REPS2: variants seen among roughly 807,000 people sequenced by gnomAD.
REPS2 encodes the protein RALBP1 associated Eps domain containing 2, also known as ralBP1-associated Eps domain-containing protein 2.
REPS2 carries 23 observed loss-of-function variants against 53.6 expected under a neutral mutation model. The observed-to-expected ratio is 0.43, with a 90% CI of 0.31 to 0.61. The LOEUF is 0.61. Ranked by LOEUF, REPS2 falls within the 20% of genes least tolerant of loss-of-function variation. REPS2 has a pLI of 0.11. For synonymous variants in REPS2, 238 were observed against 218.6 expected (o/e 1.09, Z -0.78); for missense variants, 446 against 534.9 (o/e 0.83, Z 1.64).
At chrX:17,070,480 A>C (rs2062289457) in intron 11 of REPS2, among the ~76,000 whole-genome samples, 2 of 112,104 alleles carry the variant, frequency 1.8e-5, no homozygotes, top group Middle Eastern at 9.2e-3. Context: ...AGAAAAATAA[A>C]AGTTGTCCAG....
intron 14 of REPS2, among the ~76,000 whole-genome samples, chrX:17,122,220 C>G (rs1446109608): frequency 9.0e-6 from 1 of 111,445 alleles, no homozygotes; most frequent in Non-Finnish European, 1.9e-5. Context: ...CAGTCGCTAT[C>G]TCTTATTCTT....
At chrX:17,029,706 T>C (rs770120043) in intron 5 of REPS2, 83 bp downstream of exon 5, 6 of 587,253 alleles carry the variant, frequency 1.0e-5, no homozygotes, top group Non-Finnish European at 1.4e-5. Context: ...GATGGACCCT[T>C]TTTCATTGCA....
chrX:16,978,575 T>G lies in REPS2; in HGVS notation c.274-27646T>G, dbSNP rs113379502. On this transcript the variant is annotated intron_variant, in intron 1 of 17. Transcript: ENST00000357277. ...CTCTGAGCTCTAAAAGGAGGAGCAGTTTTGCTGGCATGCAGAAGTGGTGAA... is the reference window on the plus strand; with the variant it reads ...CTCTGAGCTCTAAAAGGAGGAGCAGGTTTGCTGGCATGCAGAAGTGGTGAA... 1.2e-3 allele frequency: 911 copies of G among 749,621 alleles called. 10 individuals are homozygous for G. In the African/African-American group the frequency reaches 0.019, roughly 16 times the overall value. 61.8% of individuals were successfully genotyped at this position (749,621 alleles called of 1,213,427 possible). A position where few individuals can be genotyped will look rare whatever the true frequency, so the allele number is the denominator to read the frequency against.
intron 8 of REPS2, among the ~76,000 whole-genome samples, chrX:17,059,563 G>T (rs771204860): frequency 1.8e-5 from 2 of 110,099 alleles, no homozygotes; most frequent in African/African-American, 6.6e-5. Flanking sequence ...TGCCTCCCGG[G>T]TTCAAGCAAT....
chrX:16,999,931 C>T (rs1055901934), intron 1 of REPS2, among the ~76,000 whole-genome samples: 1 of 101,768 alleles, frequency 9.8e-6, no homozygotes. Context: ...CCTGTAGTCC[C>T]AGCTACTTGG....
chrX:16,969,363 G>A (rs934639866), intron 1 of REPS2, among the ~76,000 whole-genome samples: 1 of 111,685 alleles, frequency 9.0e-6, no homozygotes, highest in African/African-American at 3.3e-5. Context: ...ACTTTGGGAG[G>A]CCAAGGCAGG....
Position 17,139,952 on chromosome X carries a change from G to C in REPS2, c.1914+991G>C, listed in dbSNP as rs200561990. On this transcript the variant is annotated intron_variant, in intron 17 of 17. Transcript: ENST00000357277. ...AAGGTCACATTTACAGATACTGGGG[G>C]TTAGGACTTAAACATATATTTTGAG... Among the ~76,000 whole-genome samples the C allele has an allele frequency of 2.7e-4, 30 of 111,605 alleles. No homozygotes were observed. The East Asian group carries it at 5.3e-3, about 20-fold the overall frequency.
At chrX:17,050,464 A>G (rs2061986877) in intron 6 of REPS2, among the ~76,000 whole-genome samples, 1 of 108,935 alleles carries the variant, frequency 9.2e-6, no homozygotes, top group Non-Finnish European at 1.9e-5. Context: ...AACTGCCTAT[A>G]GTATTCAGTA....
chrX:17,034,143 G>T (rs1012351986), intron 5 of REPS2, among the ~76,000 whole-genome samples: 2 of 111,289 alleles, frequency 1.8e-5, no homozygotes, highest in African/African-American at 6.5e-5. Context: ...TCAGCCAGAG[G>T]GATGGGCGTC....
chrX:17,180,490 T>C, the REPS2 span, among the ~76,000 whole-genome samples: 1 of 111,134 alleles, frequency 9.0e-6, no homozygotes, highest in South Asian at 3.9e-4. Context: ...AACATCATTT[T>C]GTGTGATTAC....
At chrX:17,136,183 G>C (rs1167241206) in intron 16 of REPS2, 1 of 111,755 alleles carries the variant, frequency 8.9e-6, no homozygotes, top group Non-Finnish European at 1.9e-5. Flanking sequence ...CCTGCTTTTG[G>C]GGTCTTGCAG....
At chrX:17,104,578 G>A (rs1410453531) in intron 14 of REPS2, among the ~76,000 whole-genome samples, 6 of 111,184 alleles carry the variant, frequency 5.4e-5, no homozygotes, top group African/African-American at 1.6e-4. Context: ...TTCCATACGG[G>A]GACATCTCAG....
intron 15 of REPS2, 47 bp from the exon 16 acceptor site, chrX:17,135,214 A>G (rs758122537): frequency 2.5e-5 from 29 of 1,165,253 alleles, no homozygotes; most frequent in Non-Finnish European, 3.2e-5. Flanking sequence ...TGGAGGGAAC[A>G]TTGAAATGTT....
chrX:17,118,970 C>T (rs1016884547), intron 14 of REPS2, among the ~76,000 whole-genome samples: 32 of 112,186 alleles, frequency 2.9e-4, no homozygotes, highest in African/African-American at 1.0e-3. Context: ...GTACACAAAC[C>T]ATAGAGGCTT....
chrX:17,066,670 GA>G (rs2062229750), intron 9 of REPS2, among the ~76,000 whole-genome samples: 2 of 112,226 alleles, frequency 1.8e-5, no homozygotes, highest in Admixed American at 1.9e-4. Flanking sequence ...TCAGGAGATT[GA>G]GACCATCCTG....
At chrX:17,130,825 T>C (rs1456901524) in intron 14 of REPS2, among the ~76,000 whole-genome samples, 1 of 111,420 alleles carries the variant, frequency 9.0e-6, no homozygotes, top group Non-Finnish European at 1.9e-5. Context: ...TTTGGGTGAG[T>C]TCCTTAACTT....
intron 1 of REPS2, among the ~76,000 whole-genome samples, chrX:16,948,733 A>G (rs768849524): frequency 6.2e-5 from 7 of 112,078 alleles, no homozygotes; most frequent in African/African-American, 1.6e-4. Flanking sequence ...CTTGAGGTAC[A>G]TATAGTTTTA....
At chrX:16,963,224 A>G (rs975407347) in intron 1 of REPS2, among the ~76,000 whole-genome samples, 2 of 112,045 alleles carry the variant, frequency 1.8e-5, no homozygotes, top group Non-Finnish European at 3.8e-5. Flanking sequence ...TTCTTTATAC[A>G]TTGCTCATAT....
chrX:16,963,100 TA>T (rs1228703908), intron 1 of REPS2, among the ~76,000 whole-genome samples: 225 of 104,633 alleles, frequency 2.2e-3, no homozygotes, highest in African/African-American at 4.0e-3. Flanking sequence ...CCCTGTCTCT[TA>T]AAAAAAAAAA....
Sources: gnomAD v4.1 joint callset for allele counts (sites outside exome capture counted in the v4.1 genomes callset) on GRCh38, gnomAD v4.1.1 for gene constraint, MANE v1.5 for transcripts, NCBI Gene and HGNC (gene_info 2026-07-23, HGNC 2026-07-21) for gene names.